The following C1orf21 variants were observed in gnomAD, a reference collection of about 807,000 sequenced individuals.
C1orf21 encodes uncharacterized protein C1orf21.
A neutral mutation model predicts 18.7 loss-of-function variants in C1orf21; 3 were observed. The ratio of observed to expected loss-of-function variants is 0.16; its 90% CI spans 0.07 to 0.42. The LOEUF is 0.42. Among genes scored for constraint, C1orf21 ranks in the 10% least tolerant of loss-of-function variants. The pLI is 0.99. For missense variants in C1orf21, 104 were observed against 143.6 expected, an observed-to-expected ratio of 0.72 and a Z score of 1.41; for synonymous variants, 41 against 46.4, an observed-to-expected ratio of 0.88 and a Z score of 0.47.
At chr1:184,484,586 A>G (rs1657705430) in intron 2 of C1orf21, among the ~76,000 whole-genome samples, 2 of 152,214 alleles carry the variant, frequency 1.3e-5, no homozygotes, top group South Asian at 4.1e-4. Flanking sequence ...CTGGAGGCAG[A>G]GAGATTGTTC....
chr1:184,471,440 G>A (rs1021851783), intron 1 of C1orf21, among the ~76,000 whole-genome samples: 3 of 152,108 alleles, frequency 2.0e-5, no homozygotes, highest in African/African-American at 7.2e-5. Context: ...TTGAATGTAG[G>A]TAAGACATGG....
At chr1:184,410,608 CCATATATATTATATATATATA>C (rs1656317601) in intron 1 of C1orf21, among the ~76,000 whole-genome samples, 1 of 53,976 alleles carries the variant, frequency 1.9e-5, no homozygotes, top group Non-Finnish European at 2.9e-5. Flanking sequence ...GATTAATTTG[CCATATATATTATATATATATA>C]TATATATATA....
intron 2 of C1orf21, among the ~76,000 whole-genome samples, chr1:184,482,302 G>A (rs970716648): frequency 6.6e-6 from 1 of 152,166 alleles, no homozygotes; most frequent in Non-Finnish European, 1.5e-5. Context: ...GCTTCCAAGA[G>A]AAAAAGTGGA....
At chr1:184,419,448 A>G (rs2101965925) in intron 1 of C1orf21, among the ~76,000 whole-genome samples, 1 of 152,278 alleles carries the variant, frequency 6.6e-6, no homozygotes, top group African/African-American at 2.4e-5. Flanking sequence ...AGAGCAATAA[A>G]AGGTCTTATT....
chr1:184,410,656 TATATATA>T (rs1382632212), intron 1 of C1orf21, among the ~76,000 whole-genome samples: 49 of 7,616 alleles, frequency 6.4e-3, no homozygotes, highest in Middle Eastern at 0.083. Flanking sequence ...TATATATATA[TATATATA>T]TTTTTTTTTT....
At chr1:184,463,327 T>C (rs752565453) in intron 1 of C1orf21, among the ~76,000 whole-genome samples, 11 of 152,120 alleles carry the variant, frequency 7.2e-5, no homozygotes, top group Non-Finnish European at 1.3e-4. Flanking sequence ...CTACTAAATT[T>C]TCTCTTCTAT....
chr1:184,455,159 G>T (rs1000082578), intron 1 of C1orf21, among the ~76,000 whole-genome samples: 2 of 152,166 alleles, frequency 1.3e-5, no homozygotes, highest in Non-Finnish European at 2.9e-5. Flanking sequence ...CCCATGTGTG[G>T]ACTCACGTTG....
intron 1 of C1orf21, among the ~76,000 whole-genome samples, chr1:184,460,620 G>GTCTTCTTCTTCTTCT (rs201481780): frequency 5.6e-4 from 63 of 112,084 alleles, no homozygotes; most frequent in African/African-American, 1.5e-3. Context: ...TGTCGTCGTC[G>GTCTTCTTCTTCTTCT]TCTTCTTCTT....
intron 1 of C1orf21, among the ~76,000 whole-genome samples, chr1:184,420,231 TTAAC>T (rs1031527323): frequency 6.6e-6 from 1 of 152,100 alleles, no homozygotes; most frequent in African/African-American, 2.4e-5. Context: ...TCATTTTTTT[TTAAC>T]TAACAGTGTG....
intron 3 of C1orf21, among the ~76,000 whole-genome samples, chr1:184,524,480 A>G (rs1183528831): frequency 1.3e-5 from 2 of 152,148 alleles, no homozygotes; most frequent in Non-Finnish European, 2.9e-5. Context: ...GTACCCCACA[A>G]GAACATTGCA....
intron 1 of C1orf21, among the ~76,000 whole-genome samples, chr1:184,452,163 A>G (rs1657133015): frequency 6.6e-6 from 1 of 152,196 alleles, no homozygotes; most frequent in Non-Finnish European, 1.5e-5. Context: ...ATGTCACAAG[A>G]AGCTTTTGGT....
At chr1:184,528,586 A>C (rs1193786806) in intron 3 of C1orf21, among the ~76,000 whole-genome samples, 3 of 152,098 alleles carry the variant, frequency 2.0e-5, no homozygotes, top group Non-Finnish European at 1.5e-5. Context: ...CTGAGATTAC[A>C]GGCGCCTGCT....
intron 3 of C1orf21, among the ~76,000 whole-genome samples, chr1:184,551,463 G>T (rs1571411080): frequency 6.6e-6 from 1 of 152,282 alleles, no homozygotes; most frequent in South Asian, 2.1e-4. Context: ...TAACCTCAGG[G>T]CAGGGACTGT....
chr1:184,527,700 C>A (rs1045328578), intron 3 of C1orf21, among the ~76,000 whole-genome samples: 2 of 152,142 alleles, frequency 1.3e-5, no homozygotes, highest in African/African-American at 4.8e-5. Flanking sequence ...CTCAGAGAAA[C>A]CCAGATTTAG....
At chr1:184,598,482 CCTA>C (rs1378021694) in intron 5 of C1orf21, 21 bp downstream of exon 5, 3 of 1,599,480 alleles carry the variant, frequency 1.9e-6, no homozygotes, top group Non-Finnish European at 2.6e-6. Flanking sequence ...AAATAAATAA[CCTA>C]CATGTTTCAA....
intron 3 of C1orf21, among the ~76,000 whole-genome samples, chr1:184,512,224 A>G (rs754469272): frequency 4.6e-5 from 7 of 152,210 alleles, no homozygotes; most frequent in Non-Finnish European, 8.8e-5. Context: ...GATTATATCC[A>G]AGTTCTTTAT....
intron 1 of C1orf21, among the ~76,000 whole-genome samples, chr1:184,414,031 G>C (rs1193497608): frequency 6.6e-6 from 1 of 152,208 alleles, no homozygotes; most frequent in Non-Finnish European, 1.5e-5. Context: ...TATACACAGA[G>C]AGCTTTTGCA....
intron 2 of C1orf21, among the ~76,000 whole-genome samples, chr1:184,478,301 T>C (rs1008467340): frequency 1.9e-4 from 29 of 152,126 alleles, no homozygotes; most frequent in African/African-American, 7.0e-4. Context: ...AATCTAATAA[T>C]CATCTTTTAA....
intron 3 of C1orf21, among the ~76,000 whole-genome samples, chr1:184,546,299 G>T (rs964001582): frequency 6.6e-5 from 10 of 152,144 alleles, no homozygotes; most frequent in Non-Finnish European, 1.3e-4. Flanking sequence ...ACTGGGCATG[G>T]TGGTGCACAC....
Sources: allele counts gnomAD v4.1 joint callset (sites outside exome capture counted in the v4.1 genomes callset), GRCh38; gene constraint gnomAD v4.1.1; transcripts MANE v1.5; gene names NCBI Gene and HGNC (gene_info 2026-07-23, HGNC 2026-07-21).